The following LTBP1 variants were observed in gnomAD, a reference collection of about 807,000 sequenced individuals.
LTBP1 encodes the protein latent transforming growth factor beta binding protein 1, also known as latent-transforming growth factor beta-binding protein 1.
LTBP1 carries 129 observed loss-of-function variants against 207.6 expected under a neutral mutation model. The observed-to-expected ratio is 0.62, with a 90% CI of 0.54 to 0.72. LTBP1 has a LOEUF of 0.72. Ranked by LOEUF, LTBP1 falls within the 30% of genes least tolerant of loss-of-function variation. The probability of loss-of-function intolerance (pLI) is 0.00; values close to 1 mark genes in which losing one functional copy is unlikely to be tolerated. For missense variants in LTBP1, 2,281 were observed against 2,217.2 expected (o/e 1.03, Z -0.58); for synonymous variants, 963 against 833.7 (o/e 1.16, Z -2.67).
chr2:33,095,806 A>T (rs985625931), intron 3 of LTBP1, among the ~76,000 whole-genome samples: 5 of 152,158 alleles, frequency 3.3e-5, no homozygotes, highest in African/African-American at 1.2e-4. Context: ...TTGAAGATAG[A>T]TCAATATTAA....
chr2:33,126,506 A>G (rs563024760), intron 4 of LTBP1, among the ~76,000 whole-genome samples: 2 of 152,314 alleles, frequency 1.3e-5, no homozygotes, highest in East Asian at 3.9e-4. Flanking sequence ...CAGAAGGGGC[A>G]CTCTTTTGAT....
chr2:33,152,458 A>G (rs531509419), intron 5 of LTBP1, among the ~76,000 whole-genome samples: 175 of 152,308 alleles, frequency 1.1e-3, no homozygotes, highest in African/African-American at 4.1e-3. Context: ...ACACTTGTAC[A>G]CTGCTGGTGG....
intron 7 of LTBP1, among the ~76,000 whole-genome samples, chr2:33,201,537 G>A (rs182996421): frequency 6.6e-6 from 1 of 151,932 alleles, no homozygotes; most frequent in African/African-American, 2.4e-5. Flanking sequence ...TAAATAACGA[G>A]TTAATGGGTG....
intron 3 of LTBP1, among the ~76,000 whole-genome samples, chr2:33,095,795 C>A (rs2079351414): frequency 6.6e-6 from 1 of 151,594 alleles, no homozygotes; most frequent in Non-Finnish European, 1.5e-5. Flanking sequence ...GGTAAGTGGC[C>A]TTGAAGATAG....
intron 4 of LTBP1, among the ~76,000 whole-genome samples, chr2:33,126,383 T>C (rs1414596785): frequency 2.0e-5 from 3 of 152,192 alleles, no homozygotes; most frequent in Admixed American, 6.5e-5. Context: ...TTAGACAAGA[T>C]TCACAAAAAC....
chr2:33,389,225 C>T lies in LTBP1; in HGVS notation c.4753C>T (p.Arg1585Trp), dbSNP rs578026588. 14 of 1,614,090 alleles carry T rather than the reference C, an allele frequency of 8.7e-6. No homozygotes were observed. In the East Asian group the frequency reaches 8.9e-5, roughly 10 times the overall value. Residue 1585 changes from arginine (R) to tryptophan (W), a missense_variant, in exon 32 of 34, where the codon CGG becomes TGG. By Grantham distance (101) the Arg-to-Trp change is moderately radical (BLOSUM62 -3). This residue lies in a region of LTBP1 where 1,671 missense variants were observed against 1,634.8 expected (regional missense o/e 1.02). Coordinates refer to ENST00000404816, the MANE Select transcript of LTBP1 (RefSeq NM_206943.4). Reference protein sequence around the residue: ...QLCNIPVTGRRQPYGRDALVD... With the variant: ...QLCNIPVTGRWQPYGRDALVD... The stretch of plus-strand genomic sequence containing the variant: ...GTGTAACATCCCCGTGACGGGACGC[C>T]GGCAGCCATATGGACGGGACGCCTT...
chr2:33,314,605 A>G (rs116742393), intron 23 of LTBP1, among the ~76,000 whole-genome samples: 169 of 152,298 alleles, frequency 1.1e-3, no homozygotes, highest in Non-Finnish European at 2.1e-3. Context: ...CCCATTTCCA[A>G]TGAGTTATAG....
At chr2:33,020,039 C>T (rs538559803) in intron 2 of LTBP1, among the ~76,000 whole-genome samples, 48 of 152,146 alleles carry the variant, frequency 3.2e-4, no homozygotes, top group Non-Finnish European at 5.6e-4. Flanking sequence ...TCTGTTTGGT[C>T]AGGAGTGTGG....
At chr2:33,388,321 G>C (rs1225785936) in intron 31 of LTBP1, among the ~76,000 whole-genome samples, 1 of 152,176 alleles carries the variant, frequency 6.6e-6, no homozygotes, top group Non-Finnish European at 1.5e-5. Context: ...CTGGGGTACA[G>C]AGATGGTAAG....
intron 8 of LTBP1, among the ~76,000 whole-genome samples, chr2:33,218,775 G>T (rs1375556975): frequency 6.6e-6 from 1 of 152,180 alleles, no homozygotes; most frequent in Non-Finnish European, 1.5e-5. Flanking sequence ...TTTGCCAAGA[G>T]AGCAAGTGAT....
At chr2:33,079,899 T>C (rs1217885538) in intron 3 of LTBP1, among the ~76,000 whole-genome samples, 1 of 152,060 alleles carries the variant, frequency 6.6e-6, no homozygotes, top group East Asian at 1.9e-4. Context: ...TTACTCCTTT[T>C]GACTTGCTAT....
chr2:33,218,824 A>C (rs2090901362), intron 8 of LTBP1, among the ~76,000 whole-genome samples: 1 of 152,194 alleles, frequency 6.6e-6, no homozygotes, highest in Non-Finnish European at 1.5e-5. Context: ...ATATAACTGA[A>C]GTTTTTATAA....
chr2:32,957,278 G>A (rs561296031), intron 2 of LTBP1, among the ~76,000 whole-genome samples: 3 of 152,298 alleles, frequency 2.0e-5, no homozygotes, highest in Admixed American at 6.5e-5. Flanking sequence ...GCTAGCTGGT[G>A]TAAGAGGTCT....
intron 5 of LTBP1, among the ~76,000 whole-genome samples, chr2:33,140,020 C>G (rs2082510649): frequency 6.6e-6 from 1 of 152,162 alleles, no homozygotes; most frequent in African/African-American, 2.4e-5. Context: ...AGTTTTTTAG[C>G]TAGGAAACTC....
intron 2 of LTBP1, among the ~76,000 whole-genome samples, chr2:33,020,267 G>A (rs1015403625): frequency 2.0e-5 from 3 of 152,084 alleles, no homozygotes; most frequent in South Asian, 2.1e-4. Context: ...ACAGTCTCTC[G>A]AAGATCTGAT....
intron 4 of LTBP1, among the ~76,000 whole-genome samples, chr2:33,133,861 T>G (rs2081969354): frequency 6.6e-6 from 1 of 152,214 alleles, no homozygotes; most frequent in Non-Finnish European, 1.5e-5. Flanking sequence ...AAATGGCATG[T>G]CCGGAGTCAC....
At chr2:33,288,294 ACAT>A (rs1214797813) in intron 19 of LTBP1, among the ~76,000 whole-genome samples, 2 of 152,228 alleles carry the variant, frequency 1.3e-5, no homozygotes, top group African/African-American at 2.4e-5. Flanking sequence ...TGACTGGGTG[ACAT>A]CAGCCACTGA....
chr2:33,371,857 A>G (rs758781235), intron 31 of LTBP1, among the ~76,000 whole-genome samples: 1 of 152,234 alleles, frequency 6.6e-6, no homozygotes, highest in African/African-American at 2.4e-5. Flanking sequence ...TAAACAACTC[A>G]TAAGTTTTAA....
At position 33,372,938 on chromosome 2, in the gene LTBP1, A is replaced by G. The variant is rs2095087900; in HGVS notation, c.4711+7435A>G. 2.0e-5 allele frequency among the ~76,000 whole-genome samples: 3 copies of G among 152,234 alleles called. No individual in the cohort carries two copies. The South Asian group carries it at 6.2e-4, about 32-fold the overall frequency. On this transcript the variant is annotated intron_variant, in intron 31 of 33. Coordinates refer to ENST00000404816, the MANE Select transcript of LTBP1 (RefSeq NM_206943.4). The stretch of plus-strand genomic sequence containing the variant: ...ACAAGATAGAGGGTGCCATTATCTC[A>G]TGGAAATCAAAATCCGTTGATCTGC...
Sources: allele counts gnomAD v4.1 joint callset (sites outside exome capture counted in the v4.1 genomes callset), GRCh38; gene constraint gnomAD v4.1.1; regional missense constraint gnomAD v4.1.1; transcripts MANE v1.5; gene names NCBI Gene and HGNC (gene_info 2026-07-23, HGNC 2026-07-21).